NCOR2: variants seen among roughly 807,000 people sequenced by gnomAD.
NCOR2 encodes the protein nuclear receptor corepressor 2, also known as CTG repeat protein 26.
In NCOR2, 81 loss-of-function variants were observed where a neutral mutation model predicts 262.9. That is an observed-to-expected ratio of 0.31 (90% CI 0.26 to 0.37). The LOEUF (loss-of-function observed/expected upper bound fraction) is 0.37, where lower values mean the gene tolerates loss of function less well. Ranked by LOEUF, NCOR2 falls within the 10% of genes least tolerant of loss-of-function variation. NCOR2 has a pLI of 1.00. For missense variants in NCOR2, 3,385 were observed against 3,621.4 expected (o/e 0.93, Z 1.68); for synonymous variants, 1,659 against 1,559.3 (o/e 1.06, Z -1.51).
rs2047440868 is a variant in NCOR2 at position 124,481,032 on chromosome 12, T to G, written c.411+2564A>C. On this transcript the variant is annotated intron_variant, in intron 3 of 46. Transcript: ENST00000405201. This position sits in a 1 kb window ranked among gnomAD's most constrained non-coding sequence, Gnocchi z 4.6. ...GGTGGCGCTGGGTGGTGGCTGGGAGTGGCTCTGTGGTAGGGAGGTTGCCCC... is the reference window on the plus strand; with the variant it reads ...GGTGGCGCTGGGTGGTGGCTGGGAGGGGCTCTGTGGTAGGGAGGTTGCCCC... Among the ~76,000 whole-genome samples, 1 of 138,536 alleles carries G rather than the reference T, an allele frequency of 7.2e-6. No individual in the cohort carries two copies. Among genetic ancestry groups the G allele is most frequent in the Non-Finnish European group, 1.6e-5 (1 of 64,202 alleles). The allele number at this position is 138,536 out of a possible 152,430, so 90.9% of individuals were successfully genotyped here.
At chr12:124,359,564 C>A (rs1023273784) in intron 22 of NCOR2, among the ~76,000 whole-genome samples, 1 of 152,258 alleles carries the variant, frequency 6.6e-6, no homozygotes, top group Non-Finnish European at 1.5e-5. Flanking sequence ...GGCACCTGTA[C>A]AGGGCCTGCC....
chr12:124,420,197 G>T, intron 12 of NCOR2, 142 bp from the exon 15 acceptor site: 1 of 618,168 alleles, frequency 1.6e-6, no homozygotes, highest in African/African-American at 1.8e-5. Flanking sequence ...TAACCTCTGT[G>T]TCTCAGTTTT....
chr12:124,417,141 TCACTCCAC>T (rs2042936631), intron 13 of NCOR2, among the ~76,000 whole-genome samples: 2 of 143,246 alleles, frequency 1.4e-5, no homozygotes, highest in African/African-American at 2.7e-5. Context: ...GACCAGACAC[TCACTCCAC>T]GGAGAGCAGG....
chr12:124,385,722 G>C (rs2040759456), intron 17 of NCOR2, 23 bp downstream of exon 19: 1 of 1,611,716 alleles, frequency 6.2e-7, no homozygotes, highest in Non-Finnish European at 8.5e-7. Context: ...CAGAGGCGCG[G>C]TGCAGCGTGA....
chr12:124,525,217 G>T (rs971006168), intron 1 of NCOR2, among the ~76,000 whole-genome samples: 1 of 152,116 alleles, frequency 6.6e-6, no homozygotes, highest in East Asian at 1.9e-4. Context: ...CATGGTGGCC[G>T]GAGGGCCTTC....
At chr12:124,383,694 G>A (rs2040581040) in intron 17 of NCOR2, among the ~76,000 whole-genome samples, 2 of 152,176 alleles carry the variant, frequency 1.3e-5, no homozygotes, top group South Asian at 4.1e-4. Flanking sequence ...GTAATCACTC[G>A]TTCACTCCTC....
chr12:124,383,836 C>T (rs1200572839), intron 17 of NCOR2, among the ~76,000 whole-genome samples: 4 of 152,238 alleles, frequency 2.6e-5, no homozygotes, highest in African/African-American at 4.8e-5. Context: ...ACCCCAGTCT[C>T]GCCCTGGGCC....
intron 11 of NCOR2, among the ~76,000 whole-genome samples, chr12:124,426,419 T>C (rs1276684643): frequency 6.6e-6 from 1 of 152,168 alleles, no homozygotes; most frequent in Non-Finnish European, 1.5e-5. Flanking sequence ...GGACAGGCTC[T>C]CCCTTACGGC....
chr12:124,551,691 G>T (rs1054822419), intron 1 of NCOR2, among the ~76,000 whole-genome samples: 1 of 152,192 alleles, frequency 6.6e-6, no homozygotes, highest in Non-Finnish European at 1.5e-5. Context: ...TCTTCCAGCA[G>T]CCCAGGAGAA....
chr12:124,356,834 C>T (rs1224753258), intron 22 of NCOR2, 52 bp from the exon 25 acceptor site: 2 of 1,425,642 alleles, frequency 1.4e-6, no homozygotes, highest in Non-Finnish European at 1.8e-6. Context: ...GGCAGTCAGA[C>T]CTCGGGAGCC....
At chr12:124,401,937 T>C (rs2042007252) in intron 14 of NCOR2, among the ~76,000 whole-genome samples, 1 of 152,148 alleles carries the variant, frequency 6.6e-6, no homozygotes, top group Non-Finnish European at 1.5e-5. Context: ...GGTGAGGCTG[T>C]GCCTTGATCT....
At chr12:124,409,385 C>T (rs946419915) in intron 13 of NCOR2, among the ~76,000 whole-genome samples, 28 of 152,328 alleles carry the variant, frequency 1.8e-4, no homozygotes, top group Middle Eastern at 6.8e-3. Context: ...GGTGCTCCCC[C>T]GACTTCTGCC....
intron 5 of NCOR2, among the ~76,000 whole-genome samples, chr12:124,458,738 C>T (rs762263427): frequency 6.6e-6 from 1 of 152,336 alleles, no homozygotes; most frequent in Middle Eastern, 3.4e-3. Context: ...CCTCCAGGAT[C>T]CACGGACAGA....
chr12:124,398,705 G>A (rs1053711537), intron 15 of NCOR2, among the ~76,000 whole-genome samples: 4 of 152,196 alleles, frequency 2.6e-5, no homozygotes, highest in Admixed American at 2.0e-4. Context: ...GACTCTGCAC[G>A]CTGGACTCCA....
intron 17 of NCOR2, among the ~76,000 whole-genome samples, chr12:124,380,693 A>G (rs905731235): frequency 7.2e-5 from 11 of 152,076 alleles, no homozygotes; most frequent in African/African-American, 2.7e-4. Flanking sequence ...TGGCTGGGAC[A>G]TGGGAGATGC....
intron 1 of NCOR2, among the ~76,000 whole-genome samples, chr12:124,532,149 T>G (rs1400527833): frequency 1.3e-5 from 2 of 151,908 alleles, no homozygotes; most frequent in Admixed American, 1.3e-4. Flanking sequence ...TTTAAGGAGG[T>G]AATTCCACAA....
At chr12:124,333,891 T>TGC (rs1284127802) in intron 41 of NCOR2, among the ~76,000 whole-genome samples, 3 of 143,748 alleles carry the variant, frequency 2.1e-5, no homozygotes, top group Non-Finnish European at 3.0e-5. Flanking sequence ...TGTGCATGTG[T>TGC]GTGTGCGCGC....
chr12:124,463,482 C>T (rs575260165), intron 5 of NCOR2, among the ~76,000 whole-genome samples: 15 of 152,330 alleles, frequency 9.8e-5, no homozygotes, highest in Admixed American at 4.6e-4. Flanking sequence ...CCCCCACCCA[C>T]GCAGGCAGCT....
At position 124,440,107 on chromosome 12, in the gene NCOR2, A is replaced by C. The variant is rs2044723583; in HGVS notation, c.816-2111T>G. Among the ~76,000 whole-genome samples, 1 of 151,998 alleles carries C rather than the reference A, an allele frequency of 6.6e-6. No individual in the cohort carries two copies. Among genetic ancestry groups the C allele is most frequent in the Non-Finnish European group, 1.5e-5 (1 of 67,986 alleles). On this transcript the variant is annotated intron_variant, in intron 7 of 46. Transcript: ENST00000405201. The surrounding 1 kb of genome is among the most constrained non-coding windows in gnomAD (Gnocchi z 5.7). ...CAGCGACCTCAGGAGCCTGCTGTGC[A>C]CCTTAACTTGCTGTCTGTCCCCAAT...
Sources: allele counts gnomAD v4.1 joint callset (sites outside exome capture counted in the v4.1 genomes callset), GRCh38; gene constraint gnomAD v4.1.1; non-coding constraint Gnocchi (gnomAD v3.1); transcripts MANE v1.5; gene names NCBI Gene and HGNC (gene_info 2026-07-23, HGNC 2026-07-21).